Variants in PRTG observed in about 807,000 individuals in gnomAD.
PRTG encodes immunoglobulin superfamily, DCC subclass, member 5.
PRTG carries 67 observed loss-of-function variants against 122.5 expected under a neutral mutation model. The observed-to-expected ratio is 0.55, with a 90% confidence interval of 0.45 to 0.67. The LOEUF (loss-of-function observed/expected upper bound fraction) is 0.67. Among genes scored for constraint, PRTG ranks in the 30% least tolerant of loss-of-function variants. The pLI, the probability that PRTG is intolerant of heterozygous loss-of-function variation, is 0.00. For missense variants in PRTG, 1,435 were observed against 1,415.4 expected, an observed-to-expected ratio of 1.01 and a Z score of -0.22; for synonymous variants, 554 against 501.1, an observed-to-expected ratio of 1.11 and a Z score of -1.41.
intron 2 of PRTG, among the ~76,000 whole-genome samples, chr15:55,719,919 G>C (rs139801728): frequency 6.6e-6 from 1 of 151,704 alleles, no homozygotes; most frequent in Non-Finnish European, 1.5e-5. Flanking sequence ...AAAATTAGCC[G>C]GGCATGGTGG....
At chr15:55,653,221 T>TG (rs1231599808) in intron 11 of PRTG, among the ~76,000 whole-genome samples, 4 of 152,192 alleles carry the variant, frequency 2.6e-5, no homozygotes, top group Non-Finnish European at 5.9e-5. Flanking sequence ...ACTTTCCCTG[T>TG]GTATTCTATA....
intron 15 of PRTG, among the ~76,000 whole-genome samples, chr15:55,633,566 A>G (rs1224915675): frequency 6.6e-6 from 1 of 152,204 alleles, no homozygotes; most frequent in African/African-American, 2.4e-5. Context: ...ATATGTAAAT[A>G]TGTATAAACC....
chr15:55,614,577 T>C lies in PRTG; in HGVS notation c.*5435A>G, dbSNP rs866874032. The C allele has an allele frequency of 6.6e-6, 1 of 151,366 alleles. No homozygotes were observed. Among genetic ancestry groups the C allele is most frequent in the South Asian group, 2.1e-4 (1 of 4,796 alleles). 9.4% of individuals were successfully genotyped at this position (151,366 alleles called of 1,614,324 possible). ...GGAGAAAGGGTAACTATAAGAAGAG[T>C]TTTCAATTCTTTTTCTGAATAAATT... On this transcript the variant is annotated 3_prime_UTR_variant, in exon 20 of 20. Transcript: ENST00000389286.
chr15:55,729,270 G>A (rs2031147883), intron 2 of PRTG, among the ~76,000 whole-genome samples: 2 of 152,140 alleles, frequency 1.3e-5, no homozygotes, highest in Admixed American at 6.5e-5. Context: ...CAATCACAAA[G>A]ACCACATATT....
chr15:55,714,373 T>C (rs1208199167), intron 2 of PRTG, among the ~76,000 whole-genome samples: 1 of 151,752 alleles, frequency 6.6e-6, no homozygotes, highest in Non-Finnish European at 1.5e-5. Flanking sequence ...ACTACAGATG[T>C]GCACCCCCAC....
Position 55,629,014 on chromosome 15 carries a change from C to A in PRTG, c.2624-10G>T, listed in dbSNP as rs375537655. 11 of 1,565,992 alleles carry A rather than the reference C, an allele frequency of 7.0e-6. No individual in the cohort carries two copies. Among genetic ancestry groups the A allele is most frequent in the Non-Finnish European group, 9.6e-6 (11 of 1,147,374 alleles). ...GCCATGGTTATTGCCCCTAGAAATACATCAATTACAAATTAAGTGAACATT... is the reference window on the plus strand; with the variant it reads ...GCCATGGTTATTGCCCCTAGAAATAAATCAATTACAAATTAAGTGAACATT... On this transcript the variant is annotated splice_polypyrimidine_tract_variant and intron_variant, in intron 15 of 19. Transcript: ENST00000389286.
intron 2 of PRTG, among the ~76,000 whole-genome samples, chr15:55,700,752 G>A (rs79729026): frequency 0.023 from 3,497 of 152,156 alleles, 149 homozygotes; most frequent in African/African-American, 0.079. Context: ...CTGCTATCCA[G>A]CCTAGGCAAC....
Position 55,680,305 on chromosome 15 carries a change from G to A in PRTG, c.815-93C>T, listed in dbSNP as rs796527525. 2.7e-5 allele frequency: 32 copies of A among 1,205,736 alleles called. 4 individuals carry two copies. The African/African-American group carries it at 4.5e-4, about 17-fold the overall frequency. 74.7% of individuals were successfully genotyped at this position (1,205,736 alleles called of 1,614,324 possible). ...CTATCCAAGCAATCAATCATGAAAA[G>A]TATAAAATTAAATATAAAATTCTCC... On this transcript the variant is annotated intron_variant, in intron 5 of 19. Coordinates refer to ENST00000389286, the MANE Select transcript of PRTG (RefSeq NM_173814.6).
chr15:55,629,125 G>A (rs2059211539), intron 15 of PRTG, 121 bp from the exon 16 acceptor site: 2 of 554,146 alleles, frequency 3.6e-6, no homozygotes, highest in East Asian at 3.0e-5. Flanking sequence ...GACACATATT[G>A]TAGAACATTT....
At chr15:55,635,074 G>GTGTGTGTGTGTGTGTGT (rs1567076962) in intron 15 of PRTG, among the ~76,000 whole-genome samples, 1,840 of 135,360 alleles carry the variant, frequency 0.014, 30 homozygotes, top group East Asian at 0.029. Flanking sequence ...GTTGGTTCTG[G>GTGTGTGTGTGTGTGTGT]GTGTGTGTGT....
rs768759415 is a variant in PRTG, at chr15:55,641,098, A to G, written c.2137+15T>C. On this transcript the variant is annotated intron_variant, in intron 12 of 19. Transcript: ENST00000389286. ...GTGAGCCATAGTAAAACAAACTGCC[A>G]TGGCTTTCACTTACACACGCATCCT... 1.9e-6 allele frequency: 3 copies of G among 1,583,052 alleles called. No homozygotes were observed. Among genetic ancestry groups the G allele is most frequent in the Non-Finnish European group, 2.6e-6 (3 of 1,151,814 alleles).
intron 8 of PRTG, among the ~76,000 whole-genome samples, chr15:55,676,142 A>T (rs568796514): frequency 6.6e-6 from 1 of 152,254 alleles, no homozygotes; most frequent in East Asian, 1.9e-4. Flanking sequence ...TTGTCCTGCG[A>T]AAGATCTCAT....
Position 55,612,379 on chromosome 15 carries a change from G to GA in PRTG, c.*7632dup, listed in dbSNP as rs2059124052. On this transcript the variant is annotated 3_prime_UTR_variant, in exon 20 of 20. Transcript: ENST00000389286. ...ATACCATGAACTACTTACAAGCTAT[G>GA]AACTTAAGGAAATCTGCAAAGCTGT... is the stretch of plus-strand genomic sequence containing the variant. 6.6e-6 allele frequency: 1 copy of GA among 151,762 alleles called. No individual in the cohort carries two copies. The highest frequency in any genetic ancestry group is 2.4e-5 in the African/African-American group (1 of 41,292). The allele number at this position is 151,762 out of a possible 1,614,324, so 9.4% of individuals were successfully genotyped here. A position where few individuals can be genotyped will look rare whatever the true frequency, so the allele number is the denominator to read the frequency against.
At chr15:55,677,574 G>A (rs2059509685) in intron 8 of PRTG, among the ~76,000 whole-genome samples, 1 of 152,008 alleles carries the variant, frequency 6.6e-6, no homozygotes. Context: ...GCTGGTAATT[G>A]TTTCTAAACA....
intron 2 of PRTG, among the ~76,000 whole-genome samples, chr15:55,707,266 T>C (rs2030168284): frequency 6.6e-6 from 1 of 152,234 alleles, no homozygotes; most frequent in Non-Finnish European, 1.5e-5. Flanking sequence ...CATTTAAGGT[T>C]ATCTCAAACA....
At chr15:55,642,170 G>C (rs2059294888) in intron 11 of PRTG, among the ~76,000 whole-genome samples, 1 of 101,796 alleles carries the variant, frequency 9.8e-6, no homozygotes, top group African/African-American at 5.2e-5. Context: ...GACAGAGCGA[G>C]ACTCCGTCTC....
chr15:55,624,677 T>C (rs1165838987), intron 17 of PRTG, among the ~76,000 whole-genome samples, 170 bp from the exon 18 acceptor site: 1 of 152,250 alleles, frequency 6.6e-6, no homozygotes, highest in Non-Finnish European at 1.5e-5. Context: ...CAAACTTTTA[T>C]TATTTGAAGA....
At chr15:55,721,892 A>G (rs112646937) in intron 2 of PRTG, among the ~76,000 whole-genome samples, 127 of 152,254 alleles carry the variant, frequency 8.3e-4, no homozygotes, top group African/African-American at 2.8e-3. Flanking sequence ...ATGATGGGGG[A>G]AACCACCCCC....
At chr15:55,638,958 ATTC>A (rs565584518) in intron 13 of PRTG, among the ~76,000 whole-genome samples, 2,368 of 69,824 alleles carry the variant, frequency 0.034, 57 homozygotes, top group African/African-American at 0.099. Context: ...AAGTCAAATC[ATTC>A]ATTCATTCAT....
Sources: allele counts gnomAD v4.1 joint callset (sites outside exome capture counted in the v4.1 genomes callset), GRCh38; gene constraint gnomAD v4.1.1; transcripts MANE v1.5; gene names NCBI Gene and HGNC (gene_info 2026-07-23, HGNC 2026-07-21).